The following COLEC11 variants were observed in gnomAD, a reference collection of about 807,000 sequenced individuals.
The protein encoded by COLEC11 is collectin subfamily member 11, also known as collectin-11.
A neutral mutation model predicts 27.3 loss-of-function variants in COLEC11; 20 were observed. The observed-to-expected ratio is 0.73, with a 90% confidence interval of 0.51 to 1.06. The LOEUF is 1.06. Among genes scored for constraint, COLEC11 ranks in the 50% least tolerant of loss-of-function variants. The probability of loss-of-function intolerance (pLI) is 0.00; values close to 1 mark genes in which losing one functional copy is unlikely to be tolerated. For missense variants in COLEC11, 310 were observed against 383.0 expected (o/e 0.81, Z 1.59); for synonymous variants, 163 against 154.7 (o/e 1.05, Z -0.40).
At chr2:3,601,426 C>G (rs1235459707) in intron 1 of COLEC11, among the ~76,000 whole-genome samples, 17 of 152,170 alleles carry the variant, frequency 1.1e-4, no homozygotes, top group Non-Finnish European at 2.5e-4. Flanking sequence ...TTCAGCCTCT[C>G]CAGTAGCTGG....
chr2:3,612,265 TGCACACAC>T (rs1393976259), intron 2 of COLEC11, among the ~76,000 whole-genome samples: 1 of 151,852 alleles, frequency 6.6e-6, no homozygotes, highest in Non-Finnish European at 1.5e-5. Flanking sequence ...CATGCACACA[TGCACACAC>T]ATGCACACAC....
chr2:3,612,434 G>T (rs377478934), intron 2 of COLEC11, among the ~76,000 whole-genome samples: 12 of 152,190 alleles, frequency 7.9e-5, no homozygotes, highest in Non-Finnish European at 1.5e-4. Flanking sequence ...GTGAGAAGGC[G>T]GACCCTGGAC....
At chr2:3,608,748 C>T (rs373034434) in intron 2 of COLEC11, among the ~76,000 whole-genome samples, 8 of 152,216 alleles carry the variant, frequency 5.3e-5, no homozygotes, top group Admixed American at 1.3e-4. Flanking sequence ...TCTTAAGATG[C>T]GTGGACAGGG....
intron 1 of COLEC11, among the ~76,000 whole-genome samples, chr2:3,597,869 G>A (rs527909951): frequency 6.6e-6 from 1 of 152,142 alleles, no homozygotes; most frequent in African/African-American, 2.4e-5. Flanking sequence ...CAGCACGTCT[G>A]GCTACAAACC....
chr2:3,644,642 T>C lies in COLEC11; in HGVS notation c.*524T>C, dbSNP rs1240801173. The C allele has an allele frequency of 8.3e-6, 3 of 360,272 alleles. No individual in the cohort carries two copies. Among genetic ancestry groups the C allele is most frequent in the African/African-American group, 6.4e-5 (3 of 46,806 alleles). The allele number at this position is 360,272 out of a possible 1,614,324, so 22.3% of individuals were successfully genotyped here. On this transcript the variant is annotated 3_prime_UTR_variant, in exon 7 of 7. Transcript: ENST00000349077. ...AAACAACAACAAAATTCTCCAAACT[T>C]TACTACTAAATGTGTGGAGTCATTT... is the stretch of plus-strand genomic sequence containing the variant.
intron 3 of COLEC11, among the ~76,000 whole-genome samples, chr2:3,632,238 A>G (rs1665066539): frequency 6.6e-6 from 1 of 152,214 alleles, no homozygotes; most frequent in Non-Finnish European, 1.5e-5. Context: ...TGTGCTCGGA[A>G]TCACGGGGCA....
chr2:3,628,968 CA>C (rs1424585616), intron 3 of COLEC11, among the ~76,000 whole-genome samples: 1 of 152,144 alleles, frequency 6.6e-6, no homozygotes, highest in African/African-American at 2.4e-5. Flanking sequence ...GGAAGGGATC[CA>C]GGGGCATCAG....
intron 3 of COLEC11, among the ~76,000 whole-genome samples, chr2:3,623,294 A>G (rs185532109): frequency 5.6e-4 from 85 of 152,250 alleles, no homozygotes; most frequent in Non-Finnish European, 6.9e-4. Flanking sequence ...ACCTATTTGG[A>G]GACTTTAAGC....
chr2:3,635,597 G>A (rs1161883975), intron 3 of COLEC11, among the ~76,000 whole-genome samples: 4 of 152,210 alleles, frequency 2.6e-5, no homozygotes, highest in Admixed American at 1.3e-4. Context: ...TTGCTGGGCC[G>A]CTGTCCCGAC....
intron 3 of COLEC11, chr2:3,626,007 T>C: frequency 6.2e-7 from 1 of 1,612,536 alleles, no homozygotes; most frequent in African/African-American, 1.3e-5. Context: ...GTATTTACTT[T>C]TTCCAGCAGT....
rs1038021777 is a variant in COLEC11, at chr2:3,603,792, C to G, written c.-26-523C>G. ...GCTCCTCTCTCCTTACTGATCTCAC[C>G]GAGGAAGGCCAGGTGCCTGTCTCCT... On this transcript the variant is annotated intron_variant, in intron 1 of 6. Coordinates refer to ENST00000349077, the MANE Select transcript of COLEC11 (RefSeq NM_024027.5). The G allele has an allele frequency of 1.3e-4, 109 of 868,876 alleles. No homozygotes were observed. In the African/African-American group the frequency reaches 1.6e-3, roughly 13 times the overall value. 53.8% of individuals were successfully genotyped at this position (868,876 alleles called of 1,614,324 possible).
chr2:3,613,664 A>G (rs1269432470), intron 3 of COLEC11, among the ~76,000 whole-genome samples: 1 of 152,228 alleles, frequency 6.6e-6, no homozygotes, highest in Non-Finnish European at 1.5e-5. Flanking sequence ...TAAGACGGGA[A>G]TAACAGCTTC....
chr2:3,604,050 G>A lies in COLEC11; in HGVS notation c.-26-265G>A, dbSNP rs555251246. 4.8e-5 allele frequency: 28 copies of A among 580,062 alleles called. No homozygotes were observed. The Admixed American group carries it at 8.4e-4, about 17-fold the overall frequency. 35.9% of individuals were successfully genotyped at this position (580,062 alleles called of 1,614,324 possible). ...GATCAGATCGAACTCCTTGGGGTGG[G>A]CGAGCCGTAGGCCTTCAATCAAGGC... On this transcript the variant is annotated intron_variant, in intron 1 of 6. Transcript: ENST00000349077.
chr2:3,603,412 G>A (rs1043153809), intron 1 of COLEC11: 1 of 521,444 alleles, frequency 1.9e-6, no homozygotes, highest in Non-Finnish European at 3.5e-6. Context: ...CGCCTCCTGG[G>A]TTCAAGCAGT....
rs751043966 is a variant in COLEC11 at position 3,644,038 on chromosome 2, G to A, written c.736G>A (p.Val246Met). Residue 246 changes from valine to methionine, a missense_variant, in exon 7 of 7, where the codon GTG (valine) becomes ATG (methionine). Val to Met is a conservative substitution (Grantham distance 21). Transcript: ENST00000349077. ...CGACGAGGAGGACTGCGTGGAGATG[G>A]TGGCCTCGGGCGGCTGGAACGACGT... ...AYDEEDCVEM[V>M]ASGGWNDVAC... 6.2e-7 allele frequency: 1 copy of A among 1,613,842 alleles called. No homozygotes were observed. Among genetic ancestry groups the A allele is most frequent in the African/African-American group, 1.3e-5 (1 of 75,088 alleles).
chr2:3,638,817 A>T (rs185513467), intron 4 of COLEC11, among the ~76,000 whole-genome samples: 2 of 152,342 alleles, frequency 1.3e-5, no homozygotes, highest in South Asian at 4.1e-4. Flanking sequence ...ATGGTAAAAT[A>T]CTTATATCCC....
At position 3,630,629 on chromosome 2, in the gene COLEC11, T is replaced by A. The variant is rs79407245; in HGVS notation, c.203-6904T>A. The stretch of plus-strand genomic sequence containing the variant: ...ATTTCCAATAGAAACTCTTGCAAAA[T>A]TGTCCTTGTTTTATAAGGAGAATGA... On this transcript the variant is annotated intron_variant, in intron 3 of 6. Transcript: ENST00000349077. Among the ~76,000 whole-genome samples the A allele has an allele frequency of 8.5e-3, 1,298 of 152,294 alleles. 12 individuals carry two copies. Among genetic ancestry groups the A allele is most frequent in the Non-Finnish European group, 0.014 (983 of 68,012 alleles).
chr2:3,600,014 T>C (rs1347097774), intron 1 of COLEC11, among the ~76,000 whole-genome samples: 4 of 151,768 alleles, frequency 2.6e-5, no homozygotes, highest in Admixed American at 2.6e-4. Flanking sequence ...GGTGGGTGGA[T>C]CATGAGGTCA....
rs899568387 is a variant in COLEC11, at chr2:3,603,669, C to T, written c.-26-646C>T. 190 of 1,551,046 alleles carry T rather than the reference C, an allele frequency of 1.2e-4. No individual in the cohort carries two copies. Among genetic ancestry groups the T allele is most frequent in the Non-Finnish European group, 1.6e-4 (181 of 1,147,040 alleles). On this transcript the variant is annotated intron_variant, in intron 1 of 6. Coordinates refer to ENST00000349077, the MANE Select transcript of COLEC11 (RefSeq NM_024027.5). ...CGATGAAGAAACAAAGAGGTCAGCACGTACCCGCCCCTCCTGGGATGGTCA... is the reference window on the plus strand; with the variant it reads ...CGATGAAGAAACAAAGAGGTCAGCATGTACCCGCCCCTCCTGGGATGGTCA...
Sources: allele counts gnomAD v4.1 joint callset (sites outside exome capture counted in the v4.1 genomes callset), GRCh38; gene constraint gnomAD v4.1.1; transcripts MANE v1.5; gene names NCBI Gene and HGNC (gene_info 2026-07-23, HGNC 2026-07-21).